Variants in SLC35A3 observed in about 807,000 individuals in gnomAD.
The protein encoded by SLC35A3 is UDP-N-acetylglucosamine transporter.
SLC35A3 carries 26 observed loss-of-function variants against 39.0 expected under a neutral mutation model. The observed-to-expected ratio is 0.67, with a 90% CI of 0.49 to 0.92. SLC35A3 has a LOEUF of 0.92. SLC35A3 is among the 40% of genes least tolerant of loss of function. SLC35A3 has a pLI of 0.00. For synonymous variants in SLC35A3, 135 were observed against 133.1 expected (o/e 1.01, Z -0.10); for missense variants, 299 against 371.6 (o/e 0.80, Z 1.61).
At chr1:100,019,780 A>G (rs1214057609) in intron 7 of SLC35A3, among the ~76,000 whole-genome samples, 1 of 152,180 alleles carries the variant, frequency 6.6e-6, no homozygotes, top group African/African-American at 2.4e-5. Flanking sequence ...CTCTAGGAAG[A>G]TAAGTTCAGA....
chr1:99,977,432 C>T (rs1657176612), intron 1 of SLC35A3, among the ~76,000 whole-genome samples: 2 of 150,768 alleles, frequency 1.3e-5, no homozygotes, highest in South Asian at 4.2e-4. Context: ...ATCTCAGCTA[C>T]TCGGGAGGCT....
In SLC35A3 at chr1:100,006,805, TAAG is replaced by T. The variant is rs372835311; in HGVS notation, c.343-225_343-223del. ...TTTCATGTTGCAACCTAATTTATAATAAGAAGGTTCAATTCATTTTGCATTATT... is the reference window on the plus strand; with the variant it reads ...TTTCATGTTGCAACCTAATTTATAATAAGGTTCAATTCATTTTGCATTATT... On this transcript the variant is annotated intron_variant, in intron 3 of 7. Transcript: ENST00000533028. Among the ~76,000 whole-genome samples the T allele has an allele frequency of 3.2e-4, 48 of 152,318 alleles. 3 individuals carry two copies. In the East Asian group the frequency reaches 9.3e-3, roughly 29 times the overall value.
chr1:100,014,191 ATTAG>A (rs954472911), intron 5 of SLC35A3, among the ~76,000 whole-genome samples: 24 of 152,174 alleles, frequency 1.6e-4, no homozygotes, highest in Admixed American at 6.5e-5. Context: ...ATCAGTTATT[ATTAG>A]TTATACTTTC....
chr1:100,007,649 A>G (rs1659339714), intron 4 of SLC35A3: 1 of 151,852 alleles, frequency 6.6e-6, no homozygotes, highest in African/African-American at 2.4e-5. Context: ...GATTTCATCT[A>G]TTCTTGGGGG....
intron 1 of SLC35A3, among the ~76,000 whole-genome samples, chr1:99,983,615 G>T (rs1302206594): frequency 6.6e-6 from 1 of 151,736 alleles, no homozygotes; most frequent in African/African-American, 2.4e-5. Flanking sequence ...TAATACAATA[G>T]GGAAATATAT....
intron 1 of SLC35A3, among the ~76,000 whole-genome samples, chr1:99,983,167 ATTGTG>A (rs1217223081): frequency 6.6e-6 from 1 of 152,066 alleles, no homozygotes; most frequent in Non-Finnish European, 1.5e-5. Flanking sequence ...GATTAATAGA[ATTGTG>A]TGTGTGTGGG....
rs1557838757 is a variant in SLC35A3, at chr1:100,007,020, GTTTTCT to G, written c.343-8_343-3del. 6.3e-7 allele frequency: 1 copy of G among 1,588,574 alleles called. No homozygotes were observed. The highest frequency in any genetic ancestry group is 1.8e-5 in the Admixed American group (1 of 54,450). ...ACAAACGAACATTAATAATATTACT[GTTTTCT>G]TTTTCAGGTCACGTATCAGTTAAAA... On this transcript the variant is annotated splice_region_variant and splice_polypyrimidine_tract_variant and intron_variant, in intron 3 of 7. Transcript: ENST00000533028.
At chr1:100,017,535 C>A in intron 6 of SLC35A3, 147 bp from the exon 7 acceptor site, 1 of 483,280 alleles carries the variant, frequency 2.1e-6, no homozygotes, top group Non-Finnish European at 3.6e-6. Context: ...TAAGTCTATT[C>A]GTTGTTAAGA....
rs1661265108 is a variant in SLC35A3 at position 100,031,841 on chromosome 1, C to T, written c.*9365C>T. The stretch of plus-strand genomic sequence containing the variant: ...TCTTGAAGTCCCCTTCCTGCACCAC[C>T]ACCTGCCCCTCAATGGCTTTTTTAT... On this transcript the variant is annotated 3_prime_UTR_variant, in exon 8 of 8. Transcript: ENST00000533028. 2 of 152,098 alleles carry T rather than the reference C, an allele frequency of 1.3e-5. No individual in the cohort carries two copies. Among genetic ancestry groups the T allele is most frequent in the Admixed American group, 1.3e-4 (2 of 15,266 alleles). The allele number at this position is 152,098 out of a possible 1,614,324, so 9.4% of individuals were successfully genotyped here.
intron 3 of SLC35A3, among the ~76,000 whole-genome samples, chr1:100,003,037 A>G (rs1658925426): frequency 6.6e-6 from 1 of 151,986 alleles, no homozygotes; most frequent in Admixed American, 6.6e-5. Flanking sequence ...GTAGGCATTT[A>G]TTGCTGTAAA....
chr1:100,022,443 T>C lies in SLC35A3; in HGVS notation c.945T>C (p.Asp315=). 6.2e-7 allele frequency: 1 copy of C among 1,606,110 alleles called. No individual in the cohort carries two copies. The highest frequency in any genetic ancestry group is 1.1e-5 in the South Asian group (1 of 90,394). The change falls in exon 8 of 8, where the codon GAT becomes GAC. Residue 315 remains aspartate (D), a synonymous_variant. Transcript: ENST00000533028. The part of the protein sequence containing the change: ...VITATFLYGY[D]PKPAGNPTKA ...CAGCTACTTTTTTGTATGGTTATGA[T>C]CCCAAACCTGCAGGAAATCCCACTA...
chr1:99,995,482 C>T (rs1658353777), intron 2 of SLC35A3, among the ~76,000 whole-genome samples: 2 of 152,012 alleles, frequency 1.3e-5, no homozygotes, highest in Admixed American at 1.3e-4. Context: ...CGAACTACAT[C>T]TGGCATGGCT....
intron 6 of SLC35A3, 30 bp from the exon 7 acceptor site, chr1:100,017,652 G>T: frequency 6.9e-7 from 1 of 1,442,204 alleles, no homozygotes; most frequent in Non-Finnish European, 9.3e-7. Flanking sequence ...TTACATGTGT[G>T]TTTTAAAAAA....
At chr1:99,982,060 A>G (rs1000622988) in intron 1 of SLC35A3, among the ~76,000 whole-genome samples, 6 of 142,752 alleles carry the variant, frequency 4.2e-5, no homozygotes, top group African/African-American at 1.6e-4. Context: ...GCTGGAGTGC[A>G]GTGGCACAAT....
In SLC35A3 at chr1:99,998,635, A is replaced by G. The variant is rs560850596; in HGVS notation, c.188-626A>G. Among the ~76,000 whole-genome samples the G allele has an allele frequency of 1.4e-4, 21 of 152,312 alleles. No individual in the cohort carries two copies. In the South Asian group the frequency reaches 2.1e-3, roughly 15 times the overall value. ...AAACTTTCAATTTGGAAGAAAATGC[A>G]ATATTTGAAAAGTGTAATAAAATGA... On this transcript the variant is annotated intron_variant, in intron 2 of 7. Transcript: ENST00000533028.
Position 100,023,613 on chromosome 1 carries a change from G to A in SLC35A3, c.*1137G>A, listed in dbSNP as rs1262982530. 1 of 152,326 alleles carries A rather than the reference G, an allele frequency of 6.6e-6. No individual in the cohort carries two copies. Among genetic ancestry groups the A allele is most frequent in the African/African-American group, 2.4e-5 (1 of 41,586 alleles). 9.4% of individuals were successfully genotyped at this position (152,326 alleles called of 1,614,324 possible). A position where few individuals can be genotyped will look rare whatever the true frequency, so the allele number is the denominator to read the frequency against. On this transcript the variant is annotated 3_prime_UTR_variant, in exon 8 of 8. Coordinates refer to ENST00000533028, the MANE Select transcript of SLC35A3 (RefSeq NM_012243.3). Reference sequence around the variant, plus strand: ...GCGCTATGACTTTAAATCCAAGGCTGCTCGGAAGATTTTTTTAGGTCTCTC... The same window carrying A: ...GCGCTATGACTTTAAATCCAAGGCTACTCGGAAGATTTTTTTAGGTCTCTC...
At chr1:100,010,315 A>G (rs1314197540) in intron 4 of SLC35A3, among the ~76,000 whole-genome samples, 1 of 152,220 alleles carries the variant, frequency 6.6e-6, no homozygotes, top group Non-Finnish European at 1.5e-5. Context: ...GAACAATTTT[A>G]TTATTAAAAA....
At position 100,021,004 on chromosome 1, in the gene SLC35A3, C is replaced by CA. The variant is rs554640699; in HGVS notation, c.888-1375dup. ...TTTTTCGTTTATAGGCAATTAAAAA[C>CA]AAAAAAACAGGAGCATGGCTTTGGA... On this transcript the variant is annotated intron_variant, in intron 7 of 7. Coordinates refer to ENST00000533028, the MANE Select transcript of SLC35A3 (RefSeq NM_012243.3). Among the ~76,000 whole-genome samples, 132 of 151,868 alleles carry CA rather than the reference C, an allele frequency of 8.7e-4. 1 individual carries two copies. In the East Asian group the frequency reaches 0.022, roughly 25 times the overall value.
rs538608898 is a variant in SLC35A3, at chr1:100,022,571, T to A, written c.*95T>A. 1.6e-6 allele frequency: 1 copy of A among 615,506 alleles called. No individual in the cohort carries two copies. 38.1% of individuals were successfully genotyped at this position (615,506 alleles called of 1,614,324 possible). On this transcript the variant is annotated 3_prime_UTR_variant, in exon 8 of 8. Coordinates refer to ENST00000533028, the MANE Select transcript of SLC35A3 (RefSeq NM_012243.3). ...GACTTCTACAGAGTCTGAGAAGATA[T>A]CATCATGCTGAATCTGATCATACTG...
Sources: gnomAD v4.1 joint callset for allele counts (sites outside exome capture counted in the v4.1 genomes callset) on GRCh38, gnomAD v4.1.1 for gene constraint, MANE v1.5 for transcripts, NCBI Gene and HGNC (gene_info 2026-07-23, HGNC 2026-07-21) for gene names.